Variants in GABBR2 observed in about 807,000 individuals in gnomAD.
The protein encoded by GABBR2 is gamma-aminobutyric acid type B receptor subunit 2.
Under a neutral mutation model 105.6 loss-of-function variants are expected in GABBR2, and 23 were observed. That is an observed-to-expected ratio of 0.22 (90% CI 0.16 to 0.31). The LOEUF is 0.31. Among genes scored for constraint, GABBR2 ranks in the 10% least tolerant of loss-of-function variants. The pLI is 1.00. For missense variants in GABBR2, 734 were observed against 1,245.5 expected (o/e 0.59, Z 6.18); for synonymous variants, 478 against 499.7 (o/e 0.96, Z 0.58).
chr9:98,389,047 C>T, intron 9 of GABBR2, 43 bp from the exon 10 acceptor site: 1 of 1,568,126 alleles, frequency 6.4e-7, no homozygotes, highest in Admixed American at 1.7e-5. Flanking sequence ...CAATGCAAGT[C>T]ATTCCCCGAG....
intron 1 of GABBR2, among the ~76,000 whole-genome samples, chr9:98,612,226 G>A (rs1401803932): frequency 3.3e-5 from 5 of 152,248 alleles, no homozygotes; most frequent in Non-Finnish European, 7.3e-5. Context: ...CAGATGCAGT[G>A]TGTTTGGTTC....
intron 1 of GABBR2, among the ~76,000 whole-genome samples, chr9:98,586,673 C>T (rs118125840): frequency 0.012 from 1,890 of 152,308 alleles, 21 homozygotes; most frequent in South Asian, 0.023. Flanking sequence ...TACTCATTTC[C>T]GAACATACAT....
At chr9:98,330,089 T>C (rs548614888) in intron 13 of GABBR2, among the ~76,000 whole-genome samples, 3 of 152,310 alleles carry the variant, frequency 2.0e-5, no homozygotes, top group African/African-American at 7.2e-5. Context: ...GGCTCTCCAG[T>C]GCCTCCAGGT....
At chr9:98,624,226 C>A (rs913330123) in intron 1 of GABBR2, among the ~76,000 whole-genome samples, 1 of 152,148 alleles carries the variant, frequency 6.6e-6, no homozygotes, top group African/African-American at 2.4e-5. Context: ...CTGGCCTCCC[C>A]TTGGACTCAC....
chr9:98,322,636 T>A (rs1318199160), intron 13 of GABBR2, among the ~76,000 whole-genome samples: 1 of 141,650 alleles, frequency 7.1e-6, no homozygotes, highest in South Asian at 2.4e-4. Flanking sequence ...TTGTTCCCCA[T>A]CCCCCAGTCT....
chr9:98,504,284 C>A (rs770626315), intron 3 of GABBR2, among the ~76,000 whole-genome samples: 3 of 152,230 alleles, frequency 2.0e-5, no homozygotes, highest in Non-Finnish European at 4.4e-5. Flanking sequence ...CTTGCTACTG[C>A]ATTCAGACCA....
intron 13 of GABBR2, among the ~76,000 whole-genome samples, chr9:98,348,672 A>G (rs908975496): frequency 6.6e-6 from 1 of 152,114 alleles, no homozygotes; most frequent in Admixed American, 6.5e-5. Flanking sequence ...TTATTCCTAG[A>G]CATTTTTTGT....
At chr9:98,642,164 G>T (rs995105130) in intron 1 of GABBR2, among the ~76,000 whole-genome samples, 2 of 152,254 alleles carry the variant, frequency 1.3e-5, no homozygotes, top group Non-Finnish European at 2.9e-5. Flanking sequence ...TTCATGCCCT[G>T]ATAAATAGTT....
Position 98,362,787 on chromosome 9 carries a change from G to C in GABBR2, c.1821C>G (p.Ile607Met). ...LLVIVGGMLL[I>M]DLCILICWQA... ...GCCAGCAGATCAGGATACACAGGTC[G>C]ATCAGCAGCATGCCCCCCACGATCA... Residue 607 changes from isoleucine to methionine, a missense_variant, in exon 13 of 19, where the codon ATC becomes ATG. By Grantham distance (10) the Ile-to-Met change is conservative. Around this residue, in one of 7 missense-constraint regions of GABBR2, gnomAD observed 52 missense variants for 81.3 expected, o/e 0.64. Coordinates refer to ENST00000259455, the MANE Select transcript of GABBR2 (RefSeq NM_005458.8). The C allele has an allele frequency of 1.2e-6, 2 of 1,602,892 alleles. No homozygotes were observed. Among genetic ancestry groups the C allele is most frequent in the Non-Finnish European group, 1.7e-6 (2 of 1,175,000 alleles).
At position 98,439,279 on chromosome 9, in the gene GABBR2, G is replaced by C. The variant is rs544270924; in HGVS notation, c.1236+14702C>G. On this transcript the variant is annotated intron_variant, in intron 7 of 18. Coordinates refer to ENST00000259455, the MANE Select transcript of GABBR2 (RefSeq NM_005458.8). Reference sequence around the variant, plus strand: ...TTGGAAAAGCTGCCATTGCTGCCAGGCTGTCCTCCAGGGCCTGCCTCCTGT... The same window carrying C: ...TTGGAAAAGCTGCCATTGCTGCCAGCCTGTCCTCCAGGGCCTGCCTCCTGT... Among the ~76,000 whole-genome samples, 17 of 152,244 alleles carry C rather than the reference G, an allele frequency of 1.1e-4. No homozygotes were observed. The East Asian group carries it at 3.1e-3, about 28-fold the overall frequency.
chr9:98,325,491 C>T (rs552242332), intron 13 of GABBR2, among the ~76,000 whole-genome samples: 45 of 152,146 alleles, frequency 3.0e-4, no homozygotes, highest in African/African-American at 9.9e-4. Flanking sequence ...GGGGTTTCCC[C>T]ATGTTGGTCA....
chr9:98,308,900 T>C (rs1423431196), intron 14 of GABBR2, among the ~76,000 whole-genome samples: 3 of 152,234 alleles, frequency 2.0e-5, no homozygotes, highest in African/African-American at 7.2e-5. Context: ...ACAGGCTCCT[T>C]TGAAGAGGGC....
Position 98,306,413 on chromosome 9 carries a change from G to T in GABBR2, c.2005-68C>A. 2.2e-6 allele frequency: 2 copies of T among 912,224 alleles called. No individual in the cohort carries two copies. The highest frequency in any genetic ancestry group is 3.4e-6 in the Non-Finnish European group (2 of 596,462). The allele number at this position is 912,224 out of a possible 1,614,324, so 56.5% of individuals were successfully genotyped here. On this transcript the variant is annotated intron_variant, in intron 14 of 18. Coordinates refer to ENST00000259455, the MANE Select transcript of GABBR2 (RefSeq NM_005458.8). The surrounding 1 kb of genome is among the most constrained non-coding windows in gnomAD (Gnocchi z 5.4). ...GGGTGGCACACACAGGCTGCTCTGA[G>T]AAGCTGTGGAGTGGAGGGTTACTCA...
intron 7 of GABBR2, among the ~76,000 whole-genome samples, chr9:98,437,479 A>G (rs1825945973): frequency 1.3e-5 from 2 of 151,074 alleles, no homozygotes; most frequent in South Asian, 4.2e-4. Flanking sequence ...CCATCCATTC[A>G]TCTATATCCA....
At chr9:98,537,939 A>C (rs1828213417) in intron 3 of GABBR2, among the ~76,000 whole-genome samples, 1 of 152,202 alleles carries the variant, frequency 6.6e-6, no homozygotes, top group Non-Finnish European at 1.5e-5. Context: ...AACACAATGC[A>C]GGAAGCCTCA....
Position 98,380,825 on chromosome 9 carries a change from T to A in GABBR2, c.1662+4815A>T, listed in dbSNP as rs537423148. ...GCACCCACCCTCGTCCGAGCAGAGGTGTAGCCCCTAGAGAGGCCTAATCTT... is the reference window on the plus strand; with the variant it reads ...GCACCCACCCTCGTCCGAGCAGAGGAGTAGCCCCTAGAGAGGCCTAATCTT... On this transcript the variant is annotated intron_variant, in intron 11 of 18. Coordinates refer to ENST00000259455, the MANE Select transcript of GABBR2 (RefSeq NM_005458.8). Among the ~76,000 whole-genome samples the A allele has an allele frequency of 3.9e-5, 6 of 152,248 alleles. 1 individual carries two copies. The East Asian group carries it at 7.7e-4, about 20-fold the overall frequency.
At chr9:98,409,495 C>T (rs1357266766) in intron 7 of GABBR2, among the ~76,000 whole-genome samples, 2 of 152,180 alleles carry the variant, frequency 1.3e-5, no homozygotes, top group African/African-American at 4.8e-5. Flanking sequence ...CAGGGCAGTG[C>T]CTGTCTTCCG....
At chr9:98,320,371 CTGT>C (rs1830798016) in intron 13 of GABBR2, among the ~76,000 whole-genome samples, 1 of 151,848 alleles carries the variant, frequency 6.6e-6, no homozygotes, top group South Asian at 2.1e-4. Flanking sequence ...CACTTTTACA[CTGT>C]TGGTGGGACT....
At chr9:98,702,703 C>G (rs913165287) in intron 1 of GABBR2, among the ~76,000 whole-genome samples, 1 of 152,228 alleles carries the variant, frequency 6.6e-6, no homozygotes, top group African/African-American at 2.4e-5. Flanking sequence ...TTCCCAGAGC[C>G]TCTGCCTCTC....
Sources: allele counts gnomAD v4.1 joint callset (sites outside exome capture counted in the v4.1 genomes callset), GRCh38; gene constraint gnomAD v4.1.1; regional missense constraint gnomAD v4.1.1; non-coding constraint Gnocchi (gnomAD v3.1); transcripts MANE v1.5; gene names NCBI Gene and HGNC (gene_info 2026-07-23, HGNC 2026-07-21).